RERE: variants seen among roughly 807,000 people sequenced by gnomAD.
RERE encodes the protein arginine-glutamic acid dipeptide repeats protein.
Under a neutral mutation model 146.1 loss-of-function variants are expected in RERE, and 40 were observed. The ratio of observed to expected loss-of-function variants is 0.27; its 90% CI spans 0.21 to 0.36. The LOEUF (loss-of-function observed/expected upper bound fraction) is 0.36, where lower values mean the gene tolerates loss of function less well. RERE is among the 10% of genes least tolerant of loss of function. The probability of loss-of-function intolerance (pLI) is 1.00; values close to 1 mark genes in which losing one functional copy is unlikely to be tolerated. For missense variants in RERE, 1,933 were observed against 2,138.7 expected (o/e 0.90, Z 1.90); for synonymous variants, 1,003 against 866.0 (o/e 1.16, Z -2.78).
chr1:8,383,711 T>C (rs1642535241), intron 12 of RERE, among the ~76,000 whole-genome samples: 1 of 151,846 alleles, frequency 6.6e-6, no homozygotes, highest in African/African-American at 2.4e-5. Context: ...ATACAAAAAT[T>C]AGCCGGGTGT....
At chr1:8,488,315 G>A (rs554642940) in intron 10 of RERE, among the ~76,000 whole-genome samples, 4 of 151,886 alleles carry the variant, frequency 2.6e-5, no homozygotes, top group Non-Finnish European at 5.9e-5. Context: ...GCACGGTTTC[G>A]GCTGACTGTA....
chr1:8,368,010 C>T (rs946216250), intron 12 of RERE, among the ~76,000 whole-genome samples: 4 of 152,214 alleles, frequency 2.6e-5, no homozygotes, highest in Admixed American at 6.5e-5. Context: ...CAGTCACACT[C>T]CAAATGCTCT....
Position 8,541,280 on chromosome 1 carries a change from G to A in RERE, c.764C>T (p.Ala255Val), listed in dbSNP as rs1165722898. The A allele has an allele frequency of 1.9e-6, 3 of 1,611,424 alleles. No homozygotes were observed. In the African/African-American group the frequency reaches 4.0e-5, roughly 22 times the overall value. The change falls in exon 7 of 23, where the codon GCT (alanine) becomes GTT (valine). Residue 255 changes from alanine (A) to valine (V), a missense_variant. Around this residue, in one of 11 missense-constraint regions of RERE, gnomAD observed 6 missense variants for 33.9 expected, o/e 0.18. Coordinates refer to ENST00000400908, the MANE Select transcript of RERE (RefSeq NM_001042681.2). ...CNISHFSDIF[A>V]AREFKARVDS... The stretch of plus-strand genomic sequence containing the variant: ...CACTCGGGCTTTAAACTCTCTAGCA[G>A]CAAATATGTCAGAAAAATGGGAGAT...
chr1:8,497,904 C>T (rs2124245347), intron 8 of RERE, among the ~76,000 whole-genome samples: 1 of 152,268 alleles, frequency 6.6e-6, no homozygotes, highest in East Asian at 1.9e-4. Context: ...TCCAATATAA[C>T]AAGTTGACAA....
Position 8,376,379 on chromosome 1 carries a change from G to A in RERE, c.1285-10405C>T, listed in dbSNP as rs373556528. Among the ~76,000 whole-genome samples, 7 of 152,298 alleles carry A rather than the reference G, an allele frequency of 4.6e-5. No homozygotes were observed. In the East Asian group the frequency reaches 1.2e-3, roughly 25 times the overall value. ...CCCAGCACCCATGGACTACAGAACTGCACCTGCTTGAAGCAACTTCAGGGG... is the reference window on the plus strand; with the variant it reads ...CCCAGCACCCATGGACTACAGAACTACACCTGCTTGAAGCAACTTCAGGGG... On this transcript the variant is annotated intron_variant, in intron 12 of 22. Coordinates refer to ENST00000400908, the MANE Select transcript of RERE (RefSeq NM_001042681.2).
At chr1:8,455,972 T>C (rs1644448438) in intron 11 of RERE, among the ~76,000 whole-genome samples, 1 of 152,108 alleles carries the variant, frequency 6.6e-6, no homozygotes, top group South Asian at 2.1e-4. Flanking sequence ...ATCAGAACAC[T>C]ACTAGGGAAC....
intron 1 of RERE, among the ~76,000 whole-genome samples, chr1:8,692,566 C>T (rs983817285): frequency 1.3e-5 from 2 of 152,092 alleles, no homozygotes; most frequent in Non-Finnish European, 2.9e-5. Context: ...CCAGGCTGGT[C>T]TCTAACTCCT....
intron 10 of RERE, among the ~76,000 whole-genome samples, chr1:8,469,188 G>A (rs1489608322): frequency 2.0e-5 from 3 of 151,914 alleles, no homozygotes; most frequent in African/African-American, 7.3e-5. Context: ...CAGCTTTCCA[G>A]ATTACAGAGT....
intron 1 of RERE, among the ~76,000 whole-genome samples, chr1:8,797,632 C>T (rs981667577): frequency 3.3e-5 from 5 of 152,190 alleles, no homozygotes; most frequent in African/African-American, 1.2e-4. Context: ...TTTTTCACTT[C>T]AGGTTTTATA....
chr1:8,388,482 G>A (rs1351572479), intron 12 of RERE, among the ~76,000 whole-genome samples: 1 of 152,110 alleles, frequency 6.6e-6, no homozygotes, highest in Non-Finnish European at 1.5e-5. Context: ...ACCGCGCCCG[G>A]CTAATTTTTT....
At chr1:8,639,081 T>C (rs17032717) in intron 2 of RERE, among the ~76,000 whole-genome samples, 4,200 of 152,048 alleles carry the variant, frequency 0.028, 175 homozygotes, top group African/African-American at 0.095. Flanking sequence ...CCAAGAAAAA[T>C]TTTTGAAGTC....
At chr1:8,793,909 C>G (rs998475038) in intron 1 of RERE, among the ~76,000 whole-genome samples, 1 of 151,574 alleles carries the variant, frequency 6.6e-6, no homozygotes, top group African/African-American at 2.4e-5. Flanking sequence ...ACTAAAAATA[C>G]AAAAAAATTA....
At chr1:8,692,321 A>C (rs1258110587) in intron 1 of RERE, among the ~76,000 whole-genome samples, 1 of 150,282 alleles carries the variant, frequency 6.7e-6, no homozygotes, top group Non-Finnish European at 1.5e-5. Flanking sequence ...TCTGCATATA[A>C]CCTACTCACA....
At chr1:8,533,901 GC>G (rs1373267901) in intron 7 of RERE, among the ~76,000 whole-genome samples, 8 of 152,178 alleles carry the variant, frequency 5.3e-5, no homozygotes, top group African/African-American at 1.9e-4. Context: ...TGAAAAACAG[GC>G]TTTTGTCCTG....
chr1:8,758,133 T>C (rs1053979733), intron 1 of RERE, among the ~76,000 whole-genome samples: 8 of 152,096 alleles, frequency 5.3e-5, no homozygotes, highest in Non-Finnish European at 7.4e-5. Context: ...TCACCCAGGC[T>C]GGAGTGCAGT....
In RERE at chr1:8,360,467, G is replaced by GGGGGGGC; in HGVS notation, c.3039_3040insGCCCCCC (p.Pro1014AlafsTer91). ...GGGGGGTGGGAGGCAGGGGGCGGGG[G>GGGGGGGC]CAGGTTCTGGCTCTGGGTCAGCCCG... On this transcript the variant is annotated frameshift_variant, in exon 18 of 23. Transcript: ENST00000400908. LOFTEE classifies it high-confidence loss of function. 1.7e-6 allele frequency: 1 copy of GGGGGGGC among 591,146 alleles called. No individual in the cohort carries two copies. The highest frequency in any genetic ancestry group is 2.2e-5 in the South Asian group (1 of 44,856). The allele number at this position is 591,146 out of a possible 1,614,324, so 36.6% of individuals were successfully genotyped here. A position where few individuals can be genotyped will look rare whatever the true frequency, so the allele number is the denominator to read the frequency against.
intron 11 of RERE, chr1:8,434,619 G>C (rs1644142741): frequency 1.3e-5 from 2 of 152,156 alleles, no homozygotes; most frequent in Admixed American, 1.3e-4. Flanking sequence ...CTTTGTAACT[G>C]TCTTGACCAA....
At chr1:8,445,450 G>C (rs1644304486) in intron 11 of RERE, among the ~76,000 whole-genome samples, 1 of 152,160 alleles carries the variant, frequency 6.6e-6, no homozygotes, top group African/African-American at 2.4e-5. Context: ...TGTCACTTCA[G>C]CCTGGACTCT....
At position 8,701,164 on chromosome 1, in the gene RERE, C is replaced by A. The variant is rs552534745; in HGVS notation, c.-144-44723G>T. On this transcript the variant is annotated intron_variant, in intron 1 of 22. Transcript: ENST00000400908. Reference sequence around the variant, plus strand: ...AAAGCTAGTCTGCATCACACACAGGCAATTCACTGAGCCTTACTGATACGT... The same window carrying A: ...AAAGCTAGTCTGCATCACACACAGGAAATTCACTGAGCCTTACTGATACGT... Among the ~76,000 whole-genome samples, 13 of 152,228 alleles carry A rather than the reference C, an allele frequency of 8.5e-5. No homozygotes were observed. In the South Asian group the frequency reaches 1.2e-3, roughly 15 times the overall value.
Sources: allele counts gnomAD v4.1 joint callset (sites outside exome capture counted in the v4.1 genomes callset), GRCh38; gene constraint gnomAD v4.1.1; regional missense constraint gnomAD v4.1.1; transcripts MANE v1.5; gene names NCBI Gene and HGNC (gene_info 2026-07-23, HGNC 2026-07-21).